Variants in KANSL1 observed in about 807,000 individuals in gnomAD.
The protein encoded by KANSL1 is KAT8 regulatory NSL complex subunit 1.
Under a neutral mutation model 103.6 loss-of-function variants are expected in KANSL1, and 22 were observed. That is an observed-to-expected ratio of 0.21 (90% CI 0.15 to 0.30). KANSL1 has a LOEUF of 0.30. Among genes scored for constraint, KANSL1 ranks in the 10% least tolerant of loss-of-function variants. KANSL1 has a pLI of 1.00. For missense variants in KANSL1, 1,337 were observed against 1,399.8 expected, an observed-to-expected ratio of 0.96 and a Z score of 0.72; for synonymous variants, 600 against 527.6, an observed-to-expected ratio of 1.14 and a Z score of -1.88.
intron 1 of KANSL1, among the ~76,000 whole-genome samples, chr17:46,174,188 A>ATG (rs72149400): frequency 1.5e-4 from 23 of 151,920 alleles, no homozygotes; most frequent in South Asian, 8.3e-4. Flanking sequence ...GTGGGTGTGG[A>ATG]TGTGTGTGTG....
chr17:46,163,778 A>G (rs1269370353), intron 2 of KANSL1, among the ~76,000 whole-genome samples: 1 of 152,066 alleles, frequency 6.6e-6, no homozygotes, highest in Admixed American at 6.6e-5. Context: ...CCTCTACATC[A>G]TTTCTGGAAT....
chr17:46,040,984 T>TA (rs1349035524), intron 7 of KANSL1: 1 of 152,240 alleles, frequency 6.6e-6, no homozygotes, highest in African/African-American at 2.4e-5. Context: ...TGGAACTTCT[T>TA]AGAGATTTGT....
At chr17:46,089,709 C>T (rs1318471723) in intron 3 of KANSL1, among the ~76,000 whole-genome samples, 1 of 152,108 alleles carries the variant, frequency 6.6e-6, no homozygotes, top group Non-Finnish European at 1.5e-5. Context: ...AACCCAAGCA[C>T]TTAAAGTGAT....
intron 7 of KANSL1, chr17:46,041,241 T>C (rs994182428): frequency 3.3e-5 from 5 of 152,240 alleles, no homozygotes; most frequent in Non-Finnish European, 7.3e-5. Flanking sequence ...CATCTACAAA[T>C]GGAGACTGTT....
At chr17:46,068,845 T>C (rs1369345902) in intron 4 of KANSL1, among the ~76,000 whole-genome samples, 2 of 152,154 alleles carry the variant, frequency 1.3e-5, no homozygotes, top group Non-Finnish European at 2.9e-5. Flanking sequence ...CTCTGAGGTA[T>C]AGGCAATAAA....
intron 2 of KANSL1, among the ~76,000 whole-genome samples, chr17:46,136,761 AAC>A (rs1282673582): frequency 6.6e-6 from 1 of 152,276 alleles, no homozygotes; most frequent in Non-Finnish European, 1.5e-5. Flanking sequence ...AATTAAATAA[AAC>A]CAAAAGAAGA....
At chr17:46,191,769 C>G (rs879584804) in intron 1 of KANSL1, among the ~76,000 whole-genome samples, 1 of 152,148 alleles carries the variant, frequency 6.6e-6, no homozygotes, top group Non-Finnish European at 1.5e-5. Flanking sequence ...CAAAAAAACA[C>G]AATGATTGCT....
intron 2 of KANSL1, among the ~76,000 whole-genome samples, chr17:46,133,079 C>G (rs1006958182): frequency 6.6e-6 from 1 of 152,194 alleles, no homozygotes; most frequent in Non-Finnish European, 1.5e-5. Context: ...TTTTTAACAT[C>G]AGGTCCTCAC....
At chr17:46,151,312 C>T (rs1342009758) in intron 2 of KANSL1, among the ~76,000 whole-genome samples, 7 of 152,280 alleles carry the variant, frequency 4.6e-5, no homozygotes, top group Non-Finnish European at 5.9e-5. Flanking sequence ...GGGCTCAGTC[C>T]CATCTTAGGG....
Position 46,030,607 on chromosome 17 carries a change from AC to A in KANSL1, c.*868del, listed in dbSNP as rs2076982096. 6.6e-6 allele frequency: 1 copy of A among 151,256 alleles called. No homozygotes were observed. The highest frequency in any genetic ancestry group is 6.6e-5 in the Admixed American group (1 of 15,164). 9.4% of individuals were successfully genotyped at this position (151,256 alleles called of 1,614,324 possible). ...ATCAGAGGGAAAAAAAAAAAAAATC[AC>A]ACAGGGAGATGGCTGCTCACTTCCC... On this transcript the variant is annotated 3_prime_UTR_variant, in exon 15 of 15. Transcript: ENST00000432791.
chr17:46,105,865 TCACACACACACACACACA>T (rs373943708), intron 2 of KANSL1, among the ~76,000 whole-genome samples: 1 of 134,594 alleles, frequency 7.4e-6, no homozygotes, highest in Admixed American at 7.4e-5. Flanking sequence ...AGCAAGACCT[TCACACACACACACACACA>T]CACACACACA....
intron 3 of KANSL1, among the ~76,000 whole-genome samples, chr17:46,084,921 T>C (rs1026321101): frequency 6.6e-6 from 1 of 152,168 alleles, no homozygotes; most frequent in Admixed American, 6.5e-5. Flanking sequence ...AAGACAGTTA[T>C]CTTGTACACC....
rs1050221603 is a variant in KANSL1, at chr17:46,189,164, C to T, written c.-90+3659G>A. On this transcript the variant is annotated intron_variant, in intron 1 of 14. Coordinates refer to ENST00000432791, the MANE Select transcript of KANSL1 (RefSeq NM_015443.4). Reference sequence around the variant, plus strand: ...GGAGTTCAGGCACTCTAAACTGTAGCGCACAATGATTACATCTGTGCACGC... The same window carrying T: ...GGAGTTCAGGCACTCTAAACTGTAGTGCACAATGATTACATCTGTGCACGC... Among the ~76,000 whole-genome samples the T allele has an allele frequency of 1.1e-4, 16 of 150,876 alleles. No homozygotes were observed. In the South Asian group the frequency reaches 3.3e-3, roughly 32 times the overall value.
Position 46,064,625 on chromosome 17 carries a change from C to CCCT in KANSL1, c.1848+1909_1848+1911dup, listed in dbSNP as rs979739649. Among the ~76,000 whole-genome samples the CCCT allele has an allele frequency of 8.1e-4, 123 of 152,222 alleles. 1 individual carries two copies. Among genetic ancestry groups the CCCT allele is most frequent in the African/African-American group, 2.7e-3 (114 of 41,544 alleles). On this transcript the variant is annotated intron_variant, in intron 6 of 14. Transcript: ENST00000432791. ...GTCTGTAACAACTGACACAGACAAT[C>CCCT]CCTCCTCCTCCTCCCTCTCCAAAAC...
intron 1 of KANSL1, among the ~76,000 whole-genome samples, chr17:46,181,351 T>C (rs1439868174): frequency 6.6e-6 from 1 of 152,188 alleles, no homozygotes; most frequent in Non-Finnish European, 1.5e-5. Context: ...TCACAACAGC[T>C]TCCTGACTAG....
chr17:46,180,952 CTG>C (rs1350255685), intron 1 of KANSL1, among the ~76,000 whole-genome samples: 1 of 152,086 alleles, frequency 6.6e-6, no homozygotes, highest in South Asian at 2.1e-4. Flanking sequence ...AAACATCAGA[CTG>C]TGCTTTAGAG....
chr17:46,129,020 T>C (rs1397090353), intron 2 of KANSL1, among the ~76,000 whole-genome samples: 1 of 152,180 alleles, frequency 6.6e-6, no homozygotes, highest in Non-Finnish European at 1.5e-5. Flanking sequence ...AGGAATGTTA[T>C]TTATTTTCAG....
chr17:46,163,892 C>T (rs1009500427), intron 2 of KANSL1, among the ~76,000 whole-genome samples: 8 of 152,246 alleles, frequency 5.3e-5, no homozygotes, highest in African/African-American at 1.9e-4. Context: ...TACCTTTCAA[C>T]TTGTCTTCTC....
upstream of KANSL1, among the ~76,000 whole-genome samples, chr17:46,197,815 T>C (rs551857388): frequency 1.3e-5 from 2 of 152,370 alleles, no homozygotes; most frequent in South Asian, 2.1e-4. Flanking sequence ...AACTCATCTA[T>C]AGATAATAAA....
Sources: gnomAD v4.1 joint callset for allele counts (sites outside exome capture counted in the v4.1 genomes callset) on GRCh38, gnomAD v4.1.1 for gene constraint, MANE v1.5 for transcripts, NCBI Gene and HGNC (gene_info 2026-07-23, HGNC 2026-07-21) for gene names.